Variants in CTNNA2 observed in about 807,000 individuals in gnomAD.
The protein encoded by CTNNA2 is catenin alpha 2, also known as catenin alpha-2.
CTNNA2 carries 42 observed loss-of-function variants against 101.0 expected under a neutral mutation model. That is an observed-to-expected ratio of 0.42 (90% CI 0.32 to 0.54). The LOEUF (loss-of-function observed/expected upper bound fraction) is 0.54. CTNNA2 is among the 20% of genes least tolerant of loss of function. CTNNA2 has a pLI of 0.14. For synonymous variants in CTNNA2, 450 were observed against 456.4 expected (o/e 0.99, Z 0.18); for missense variants, 871 against 1,223.1 (o/e 0.71, Z 4.29).
intron 7 of CTNNA2, among the ~76,000 whole-genome samples, chr2:80,283,394 A>G (rs1033323767): frequency 1.5e-4 from 23 of 152,158 alleles, no homozygotes; most frequent in African/African-American, 5.3e-4. Context: ...CAAATTGTAT[A>G]TATGTATTGA....
chr2:79,224,729 A>G (rs912065497), intron 2 of CTNNA2, among the ~76,000 whole-genome samples: 12 of 152,006 alleles, frequency 7.9e-5, no homozygotes, highest in African/African-American at 2.9e-4. Context: ...GTCTCCTCAT[A>G]TGCTTTTTCA....
At chr2:80,054,483 T>C (rs1174025355) in intron 7 of CTNNA2, among the ~76,000 whole-genome samples, 1 of 152,194 alleles carries the variant, frequency 6.6e-6, no homozygotes, top group African/African-American at 2.4e-5. Context: ...TTGGCATTAT[T>C]TCTTGGCCTG....
chr2:80,081,213 T>C (rs183358718), intron 7 of CTNNA2, among the ~76,000 whole-genome samples: 12 of 152,274 alleles, frequency 7.9e-5, no homozygotes, highest in Admixed American at 7.8e-4. Flanking sequence ...AGCTGCGTTT[T>C]TATTTAGCAA....
chr2:80,026,228 C>T (rs1014269395), intron 7 of CTNNA2, among the ~76,000 whole-genome samples: 12 of 152,042 alleles, frequency 7.9e-5, no homozygotes, highest in African/African-American at 2.9e-4. Flanking sequence ...AATGATTTTG[C>T]AGAAAAACAG....
chr2:79,213,270 T>C (rs993642320), intron 2 of CTNNA2, among the ~76,000 whole-genome samples: 2 of 152,196 alleles, frequency 1.3e-5, no homozygotes, highest in African/African-American at 4.8e-5. Flanking sequence ...GCCTTTGCAG[T>C]GAATGACTCC....
chr2:80,635,137 C>T (rs997350506), intron 18 of CTNNA2, among the ~76,000 whole-genome samples: 1 of 152,074 alleles, frequency 6.6e-6, no homozygotes, highest in African/African-American at 2.4e-5. Flanking sequence ...TAATAGGAAA[C>T]CCCTACCTGC....
At chr2:79,290,752 C>T (rs775367147) in intron 2 of CTNNA2, among the ~76,000 whole-genome samples, 7 of 152,170 alleles carry the variant, frequency 4.6e-5, no homozygotes, top group East Asian at 3.9e-4. Flanking sequence ...ATCTCCCTTC[C>T]GGCTTCCCCA....
chr2:80,224,411 A>T (rs1274798613), intron 7 of CTNNA2, among the ~76,000 whole-genome samples: 3 of 152,112 alleles, frequency 2.0e-5, no homozygotes, highest in Non-Finnish European at 4.4e-5. Context: ...CTGTCAATTC[A>T]GTCAGTCCTC....
intron 9 of CTNNA2, among the ~76,000 whole-genome samples, chr2:80,487,632 A>G (rs1266991776): frequency 6.6e-6 from 1 of 152,186 alleles, no homozygotes; most frequent in Non-Finnish European, 1.5e-5. Context: ...GGTCTTTCCC[A>G]TGACACATGG....
chr2:79,400,708 A>G (rs4852147), intron 4 of CTNNA2, among the ~76,000 whole-genome samples: 119,397 of 151,692 alleles, frequency 0.79, 47,155 homozygotes, highest in East Asian at 0.93. Context: ...AATGAGGGGC[A>G]AGAGAAAAAG....
chr2:79,959,113 T>G (rs1689451427), intron 7 of CTNNA2, among the ~76,000 whole-genome samples: 1 of 152,060 alleles, frequency 6.6e-6, no homozygotes, highest in African/African-American at 2.4e-5. Context: ...TGTAGTGTGA[T>G]CACAGCTCAC....
chr2:79,644,290 G>A (rs1005983756), intron 1 of CTNNA2, among the ~76,000 whole-genome samples: 3 of 152,030 alleles, frequency 2.0e-5, no homozygotes, highest in East Asian at 1.9e-4. Flanking sequence ...CTCCCAGCTC[G>A]GTCTCCCAAA....
intron 7 of CTNNA2, among the ~76,000 whole-genome samples, chr2:80,312,286 G>T (rs1278744121): frequency 2.0e-5 from 3 of 152,204 alleles, no homozygotes; most frequent in Admixed American, 6.5e-5. Context: ...GGCTAGGGTT[G>T]GACCGCACAG....
At chr2:80,500,769 T>G (rs1352938214) in intron 9 of CTNNA2, among the ~76,000 whole-genome samples, 3 of 152,212 alleles carry the variant, frequency 2.0e-5, no homozygotes, top group African/African-American at 7.2e-5. Context: ...TGCCTCAAGT[T>G]GTGCAATGTG....
intron 18 of CTNNA2, among the ~76,000 whole-genome samples, chr2:80,626,807 T>C (rs12619047): frequency 0.37 from 56,216 of 151,824 alleles, 11,003 homozygotes; most frequent in East Asian, 0.46. Context: ...GGTGGTTTGC[T>C]GCACCCATCA....
chr2:80,288,827 G>A (rs1285595782), intron 7 of CTNNA2: 1 of 152,184 alleles, frequency 6.6e-6, no homozygotes, highest in African/African-American at 2.4e-5. Flanking sequence ...TTTCATCCCA[G>A]TTCTTTGGGG....
chr2:80,396,843 C>G lies in CTNNA2; in HGVS notation c.1137+3552C>G, dbSNP rs13024242. On this transcript the variant is annotated intron_variant, in intron 8 of 18. Transcript: ENST00000402739. ...CCTAATTCTTATTCCTTCACCCTTA[C>G]TAGCCACCACAATGAGTCCAGCAAT... 7.9e-3 allele frequency among the ~76,000 whole-genome samples: 1,196 copies of G among 152,318 alleles called. 8 individuals are homozygous for G. Among genetic ancestry groups the G allele is most frequent in the Non-Finnish European group, 0.012 (829 of 68,030 alleles).
At chr2:79,187,445 A>G (rs1425200542) in intron 1 of CTNNA2, among the ~76,000 whole-genome samples, 1 of 151,162 alleles carries the variant, frequency 6.6e-6, no homozygotes, top group East Asian at 1.9e-4. Context: ...TGGGACCACA[A>G]GGACGCTTAT....
rs574154667 is a variant in CTNNA2, at chr2:80,349,350, G to C, written c.1057-43861G>C. Among the ~76,000 whole-genome samples, 13 of 152,242 alleles carry C rather than the reference G, an allele frequency of 8.5e-5. No homozygotes were observed. In the South Asian group the frequency reaches 2.3e-3, roughly 27 times the overall value. ...ACACTGAGAGAATGCTAGCAAAAAGGCAGCTTTGTTGATTTGTTGATTCGT... is the reference window on the plus strand; with the variant it reads ...ACACTGAGAGAATGCTAGCAAAAAGCCAGCTTTGTTGATTTGTTGATTCGT... On this transcript the variant is annotated intron_variant, in intron 7 of 18. Transcript: ENST00000402739.
Sources: gnomAD v4.1 joint callset for allele counts (sites outside exome capture counted in the v4.1 genomes callset) on GRCh38, gnomAD v4.1.1 for gene constraint, MANE v1.5 for transcripts, NCBI Gene and HGNC (gene_info 2026-07-23, HGNC 2026-07-21) for gene names.